Variants in MMP16 observed in about 807,000 individuals in gnomAD.
MMP16 encodes matrix metallopeptidase 16.
In MMP16, 12 loss-of-function variants were observed where a neutral mutation model predicts 67.8. That is an observed-to-expected ratio of 0.18 (90% CI 0.11 to 0.29). MMP16 has a LOEUF of 0.29. Ranked by LOEUF, MMP16 falls within the 10% of genes least tolerant of loss-of-function variation. MMP16 has a pLI of 1.00. For missense variants in MMP16, 475 were observed against 765.7 expected, an observed-to-expected ratio of 0.62 and a Z score of 4.48; for synonymous variants, 249 against 255.9, an observed-to-expected ratio of 0.97 and a Z score of 0.26.
intron 8 of MMP16, among the ~76,000 whole-genome samples, chr8:88,051,529 C>T (rs770509768): frequency 6.6e-5 from 10 of 151,900 alleles, no homozygotes; most frequent in Non-Finnish European, 1.2e-4. Context: ...TAATCAATGC[C>T]CCAAAGTCCC....
intron 6 of MMP16, among the ~76,000 whole-genome samples, chr8:88,086,086 C>T (rs548708495): frequency 6.6e-6 from 1 of 151,952 alleles, no homozygotes; most frequent in South Asian, 2.1e-4. Context: ...TAGTTCAGCT[C>T]TAGCATAGAA....
At chr8:88,157,171 T>C (rs1172851892) in intron 4 of MMP16, among the ~76,000 whole-genome samples, 5 of 152,016 alleles carry the variant, frequency 3.3e-5, no homozygotes, top group Non-Finnish European at 7.4e-5. Context: ...CAACCATGGA[T>C]TGAAATATTT....
In MMP16 at chr8:88,167,857, T is replaced by A. The variant is rs1461193311; in HGVS notation, c.521A>T (p.Glu174Val). Reference sequence around the variant, plus strand: ...CACATCACGTTTGCCATTTTCTAATTCACTGTAGGGAACTTCTTCAAATGT... The same window carrying A: ...CACATCACGTTTGCCATTTTCTAATACACTGTAGGGAACTTCTTCAAATGT... Reference protein sequence around the residue: ...PLTFEEVPYSELENGKRDVDI... With the variant: ...PLTFEEVPYSVLENGKRDVDI... Residue 174 changes from glutamate to valine, a missense_variant, in exon 4 of 10, where the codon GAA becomes GTA. Transcript: ENST00000286614. 6.2e-7 allele frequency: 1 copy of A among 1,614,014 alleles called. No individual in the cohort carries two copies. The highest frequency in any genetic ancestry group is 8.5e-7 in the Non-Finnish European group (1 of 1,179,966).
In MMP16 at chr8:88,294,318, CTA is replaced by C. The variant is rs373735684; in HGVS notation, c.132+32755_132+32756del. On this transcript the variant is annotated intron_variant, in intron 1 of 9. Coordinates refer to ENST00000286614, the MANE Select transcript of MMP16 (RefSeq NM_005941.5). ...TGTATATATGTATATATGTATATGT[CTA>C]TATGTGTATGTCTATATATGTGTAT... 1.1e-3 allele frequency among the ~76,000 whole-genome samples: 158 copies of C among 149,922 alleles called. 1 individual carries two copies. The East Asian group carries it at 0.015, about 14-fold the overall frequency.
chr8:88,295,703 GA>G (rs1811001674), intron 1 of MMP16, among the ~76,000 whole-genome samples: 1 of 152,116 alleles, frequency 6.6e-6, no homozygotes, highest in Non-Finnish European at 1.5e-5. Flanking sequence ...AAAGAATTCA[GA>G]AATGTTCTCC....
chr8:88,271,906 A>T (rs1199360382), intron 1 of MMP16, among the ~76,000 whole-genome samples: 1 of 152,200 alleles, frequency 6.6e-6, no homozygotes, highest in East Asian at 1.9e-4. Flanking sequence ...TAGTGATATA[A>T]ATGGGCGTTG....
intron 4 of MMP16, among the ~76,000 whole-genome samples, chr8:88,148,888 C>A (rs985770849): frequency 6.6e-6 from 1 of 152,206 alleles, no homozygotes; most frequent in Non-Finnish European, 1.5e-5. Context: ...CAGCTCCGGT[C>A]TACAGCTCCC....
intron 6 of MMP16, among the ~76,000 whole-genome samples, chr8:88,077,494 A>G (rs1038314234): frequency 6.6e-6 from 1 of 152,100 alleles, no homozygotes; most frequent in African/African-American, 2.4e-5. Flanking sequence ...CCTTCACTGC[A>G]TTTATAGTCA....
intron 7 of MMP16, among the ~76,000 whole-genome samples, chr8:88,072,287 G>A (rs1295368512): frequency 1.3e-5 from 2 of 152,062 alleles, no homozygotes; most frequent in Non-Finnish European, 2.9e-5. Context: ...AGCCCAGGGT[G>A]CTAGGACTCT....
chr8:88,066,964 A>T (rs1808471115), intron 7 of MMP16, among the ~76,000 whole-genome samples: 2 of 152,038 alleles, frequency 1.3e-5, no homozygotes. Flanking sequence ...GGGCATCAAA[A>T]TTTTTTTGGT....
rs576484229 is a variant in MMP16, at chr8:88,121,842, A to G, written c.710-2981T>C. 1.5e-4 allele frequency among the ~76,000 whole-genome samples: 23 copies of G among 152,182 alleles called. No homozygotes were observed. The South Asian group carries it at 4.6e-3, about 30-fold the overall frequency. On this transcript the variant is annotated intron_variant, in intron 4 of 9. Coordinates refer to ENST00000286614, the MANE Select transcript of MMP16 (RefSeq NM_005941.5). ...TCATTTCTTTGTCATAATTATGTCT[A>G]TATTTTATTCCAAGTTCCTTCACCC...
intron 1 of MMP16, among the ~76,000 whole-genome samples, chr8:88,213,588 G>C (rs1283140801): frequency 3.3e-5 from 5 of 151,990 alleles, no homozygotes; most frequent in South Asian, 2.1e-4. Context: ...AGCAAAGATA[G>C]AAGAATGATC....
intron 7 of MMP16, among the ~76,000 whole-genome samples, chr8:88,069,861 T>C (rs1207335770): frequency 6.6e-6 from 1 of 152,098 alleles, no homozygotes; most frequent in Non-Finnish European, 1.5e-5. Flanking sequence ...TAAGATAAAA[T>C]CTCAGACCCT....
At chr8:88,185,413 C>T (rs1355603454) in intron 3 of MMP16, among the ~76,000 whole-genome samples, 3 of 151,966 alleles carry the variant, frequency 2.0e-5, no homozygotes, top group South Asian at 2.1e-4. Flanking sequence ...GAGCTGAGAT[C>T]GTGCCACTGC....
chr8:88,131,481 A>C (rs1808029236), intron 4 of MMP16, among the ~76,000 whole-genome samples: 1 of 151,792 alleles, frequency 6.6e-6, no homozygotes, highest in African/African-American at 2.4e-5. Flanking sequence ...TGTCCACTGT[A>C]TGCCCAACCA....
At chr8:88,148,784 AGAGTTTTCTTTT>A (rs145041381) in intron 4 of MMP16, among the ~76,000 whole-genome samples, 28,850 of 152,132 alleles carry the variant, frequency 0.19, 3,100 homozygotes, top group Non-Finnish European at 0.24. Flanking sequence ...AACCATTCCA[AGAGTTTTCTTTT>A]AAAATCTCTA....
At chr8:88,282,090 G>T (rs1563583018) in intron 1 of MMP16, among the ~76,000 whole-genome samples, 1 of 147,890 alleles carries the variant, frequency 6.8e-6, no homozygotes, top group African/African-American at 2.5e-5. Flanking sequence ...TTTGGGGGGG[G>T]GGGGGCGACG....
At chr8:88,046,143 G>C (rs1194418812) in intron 9 of MMP16, among the ~76,000 whole-genome samples, 1 of 152,114 alleles carries the variant, frequency 6.6e-6, no homozygotes, top group Non-Finnish European at 1.5e-5. Context: ...GCAAGTAAAG[G>C]GGACAGCTCT....
chr8:88,149,647 G>A (rs1411160317), intron 4 of MMP16, among the ~76,000 whole-genome samples: 1 of 151,436 alleles, frequency 6.6e-6, no homozygotes, highest in African/African-American at 2.4e-5. Flanking sequence ...TGCAGCTGAG[G>A]GTGCTGTCTG....
Sources: gnomAD v4.1 joint callset for allele counts (sites outside exome capture counted in the v4.1 genomes callset) on GRCh38, gnomAD v4.1.1 for gene constraint, MANE v1.5 for transcripts, NCBI Gene and HGNC (gene_info 2026-07-23, HGNC 2026-07-21) for gene names.